KDM3B: variants seen among roughly 807,000 people sequenced by gnomAD.
KDM3B encodes the protein lysine-specific demethylase 3B.
In KDM3B, 10 loss-of-function variants were observed where a neutral mutation model predicts 170.0. That is an observed-to-expected ratio of 0.06 (90% confidence interval 0.04 to 0.10). KDM3B has a LOEUF of 0.10. Among genes scored for constraint, KDM3B ranks in the 10% least tolerant of loss-of-function variants. The pLI, the probability that KDM3B is intolerant of heterozygous loss-of-function variation, is 1.00. For synonymous variants in KDM3B, 831 were observed against 834.8 expected (o/e 1.00, Z 0.08); for missense variants, 1,394 against 2,195.2 (o/e 0.64, Z 7.29).
intron 10 of KDM3B, among the ~76,000 whole-genome samples, chr5:138,399,402 G>A (rs1049498349): frequency 2.6e-5 from 4 of 151,810 alleles, no homozygotes; most frequent in African/African-American, 7.2e-5. Context: ...GCTGGGCTTG[G>A]TGGCGGGTGC....
intron 20 of KDM3B, among the ~76,000 whole-genome samples, chr5:138,429,294 C>T (rs1248200984): frequency 1.3e-5 from 2 of 152,024 alleles, no homozygotes; most frequent in African/African-American, 2.4e-5. Context: ...TCAGGTGATC[C>T]GCCCACCTCA....
intron 1 of KDM3B, 37 bp downstream of exon 1, chr5:138,353,024 C>A: frequency 9.3e-7 from 1 of 1,073,366 alleles, no homozygotes; most frequent in South Asian, 4.4e-5. Flanking sequence ...GAGGCCGGGG[C>A]TGCGGGGCCT....
chr5:138,358,298 CTTTCTTTCTTT>C (rs1171484029), intron 1 of KDM3B, among the ~76,000 whole-genome samples: 1 of 104,748 alleles, frequency 9.5e-6, no homozygotes, highest in Non-Finnish European at 2.0e-5. Flanking sequence ...TTTTTTCTTT[CTTTCTTTCTTT>C]TTTTTTTTTT....
At chr5:138,414,504 G>T (rs1763054006) in intron 11 of KDM3B, among the ~76,000 whole-genome samples, 1 of 152,162 alleles carries the variant, frequency 6.6e-6, no homozygotes, top group African/African-American at 2.4e-5. Flanking sequence ...ATCACTGATG[G>T]CCAGGGCTTG....
Position 138,419,122 on chromosome 5 carries a change from A to C in KDM3B, c.3605A>C (p.Asn1202Thr). 1 of 1,614,230 alleles carries C rather than the reference A, an allele frequency of 6.2e-7. No individual in the cohort carries two copies. The highest frequency in any genetic ancestry group is 1.3e-5 in the African/African-American group (1 of 75,058). The change falls in exon 14 of 24, where the codon AAT (asparagine) becomes ACT (threonine). Residue 1202 changes from asparagine to threonine, a missense_variant. Physicochemically the swap from Asn to Thr is moderately conservative, Grantham distance 65 (BLOSUM62 0). Coordinates refer to ENST00000314358, the MANE Select transcript of KDM3B (RefSeq NM_016604.4). ...LKTDSSASNSNSELKAIRPPC... is the reference protein window; with the variant it reads ...LKTDSSASNSTSELKAIRPPC... Reference sequence around the variant, plus strand: ...ACAGACAGTTCGGCATCAAATAGCAATAGTGAACTGAAAGCCATCAGGCCT... The same window carrying C: ...ACAGACAGTTCGGCATCAAATAGCACTAGTGAACTGAAAGCCATCAGGCCT...
chr5:138,419,339 T>G, intron 14 of KDM3B, 107 bp downstream of exon 14: 1 of 1,313,086 alleles, frequency 7.6e-7, no homozygotes, highest in Non-Finnish European at 1.0e-6. Flanking sequence ...ACATGCTACT[T>G]ACTTTCTCTG....
chr5:138,377,362 A>C (rs1762024055), intron 3 of KDM3B, among the ~76,000 whole-genome samples: 1 of 152,220 alleles, frequency 6.6e-6, no homozygotes, highest in South Asian at 2.1e-4. Context: ...AATATTTCCT[A>C]ATCCTAATTG....
intron 11 of KDM3B, among the ~76,000 whole-genome samples, chr5:138,412,664 G>A (rs1244586545): frequency 6.6e-6 from 1 of 151,828 alleles, no homozygotes; most frequent in Non-Finnish European, 1.5e-5. Flanking sequence ...CAAAAAAAGA[G>A]AAAATGAAAA....
chr5:138,422,554 C>T (rs1763298492), intron 15 of KDM3B, among the ~76,000 whole-genome samples: 1 of 152,154 alleles, frequency 6.6e-6, no homozygotes. Context: ...GCAGGAGAAT[C>T]GCCTGAACCT....
At chr5:138,417,443 G>A (rs759280818) in intron 12 of KDM3B, 40 bp from the exon 13 acceptor site, 25 of 1,600,106 alleles carry the variant, frequency 1.6e-5, no homozygotes, top group South Asian at 6.6e-5. Flanking sequence ...GCATATATGA[G>A]TATTCTGGTG....
intron 11 of KDM3B, among the ~76,000 whole-genome samples, chr5:138,401,323 G>A (rs888051207): frequency 1.2e-4 from 18 of 150,282 alleles, no homozygotes; most frequent in African/African-American, 4.2e-4. Context: ...CTAGTGCATA[G>A]CTAAGTAACT....
intron 12 of KDM3B, among the ~76,000 whole-genome samples, chr5:138,417,164 T>TA (rs1763126751): frequency 6.6e-6 from 1 of 152,200 alleles, no homozygotes; most frequent in African/African-American, 2.4e-5. Context: ...CCCTAGAGTT[T>TA]CTCCTGGAGG....
intron 11 of KDM3B, among the ~76,000 whole-genome samples, chr5:138,410,073 G>A (rs1407777435): frequency 6.6e-6 from 1 of 150,978 alleles, no homozygotes; most frequent in African/African-American, 2.4e-5. Context: ...GGCAATGAGC[G>A]AAACTCCTTC....
intron 11 of KDM3B, among the ~76,000 whole-genome samples, chr5:138,414,184 G>T (rs1176298447): frequency 2.7e-5 from 4 of 150,672 alleles, no homozygotes; most frequent in Non-Finnish European, 1.5e-5. Flanking sequence ...ATTTTTTTTT[G>T]AGATGGAGTC....
At chr5:138,427,624 G>A (rs1763430511) in intron 19 of KDM3B, among the ~76,000 whole-genome samples, 1 of 152,190 alleles carries the variant, frequency 6.6e-6, no homozygotes, top group Non-Finnish European at 1.5e-5. Flanking sequence ...GAAGAGGTCT[G>A]GGTGCCATGC....
chr5:138,366,635 A>G (rs1052877283), intron 1 of KDM3B, among the ~76,000 whole-genome samples: 3 of 152,082 alleles, frequency 2.0e-5, no homozygotes, highest in African/African-American at 2.4e-5. Flanking sequence ...CCTGGCCCCC[A>G]TTATCTTTCT....
intron 1 of KDM3B, among the ~76,000 whole-genome samples, chr5:138,369,387 T>G (rs1034043867): frequency 5.3e-5 from 8 of 152,180 alleles, no homozygotes; most frequent in Non-Finnish European, 1.5e-5. Context: ...GCTCTTGGAT[T>G]CTCATAAGCA....
At chr5:138,359,236 A>C (rs989131828) in intron 1 of KDM3B, among the ~76,000 whole-genome samples, 8 of 151,218 alleles carry the variant, frequency 5.3e-5, no homozygotes, top group African/African-American at 1.9e-4. Flanking sequence ...GTCTTGGCTC[A>C]CTGCAACCTC....
At chr5:138,425,762 T>C in intron 17 of KDM3B, 180 bp downstream of exon 17, 1 of 544,614 alleles carries the variant, frequency 1.8e-6, no homozygotes, top group South Asian at 2.8e-5. Context: ...AATTTCAGTC[T>C]TTTTGGAGGC....
Sources: gnomAD v4.1 joint callset for allele counts (sites outside exome capture counted in the v4.1 genomes callset) on GRCh38, gnomAD v4.1.1 for gene constraint, MANE v1.5 for transcripts, NCBI Gene and HGNC (gene_info 2026-07-23, HGNC 2026-07-21) for gene names.